Variants in HPSE2 observed in about 807,000 individuals in gnomAD.
HPSE2 encodes the protein inactive heparanase-2.
HPSE2 carries 38 observed loss-of-function variants against 60.5 expected under a neutral mutation model. The observed-to-expected ratio is 0.63, with a 90% CI of 0.48 to 0.82. The LOEUF (loss-of-function observed/expected upper bound fraction) is 0.82. Ranked by LOEUF, HPSE2 falls within the 40% of genes least tolerant of loss-of-function variation. The pLI is 0.00. For missense variants in HPSE2, 713 were observed against 740.4 expected, an observed-to-expected ratio of 0.96 and a Z score of 0.43; for synonymous variants, 295 against 293.2, an observed-to-expected ratio of 1.01 and a Z score of -0.06.
intron 2 of HPSE2, among the ~76,000 whole-genome samples, chr10:99,207,077 A>T (rs951702701): frequency 6.6e-6 from 1 of 152,336 alleles, no homozygotes; most frequent in Middle Eastern, 3.4e-3. Flanking sequence ...AATCAATTGC[A>T]ATCCAAATAA....
chr10:99,300,794 C>T, the HPSE2 span, among the ~76,000 whole-genome samples: 1 of 152,166 alleles, frequency 6.6e-6, no homozygotes, highest in East Asian at 1.9e-4. Flanking sequence ...TTAATATACC[C>T]CCAGTTGAGG....
chr10:99,202,591 T>G (rs1367307160), intron 2 of HPSE2, among the ~76,000 whole-genome samples: 1 of 152,188 alleles, frequency 6.6e-6, no homozygotes, highest in Non-Finnish European at 1.5e-5. Flanking sequence ...ATCTATTATG[T>G]ATCAATTTAA....
At chr10:98,712,798 T>A (rs1049598659) in intron 5 of HPSE2, among the ~76,000 whole-genome samples, 3 of 152,106 alleles carry the variant, frequency 2.0e-5, no homozygotes, top group Non-Finnish European at 2.9e-5. Flanking sequence ...AATATTCCAC[T>A]AGCAATTCTG....
At chr10:98,884,442 G>C (rs1465500681) in intron 3 of HPSE2, among the ~76,000 whole-genome samples, 2 of 152,096 alleles carry the variant, frequency 1.3e-5, no homozygotes, top group Admixed American at 6.6e-5. Flanking sequence ...GTCAATGCCT[G>C]GCTTCAAAGC....
the HPSE2 span, among the ~76,000 whole-genome samples, chr10:99,251,317 C>A: frequency 6.6e-6 from 1 of 152,104 alleles, no homozygotes; most frequent in South Asian, 2.1e-4. Flanking sequence ...CTGAACAGAC[C>A]AATATCAAGT....
At chr10:98,906,017 G>T (rs1342684914) in intron 3 of HPSE2, among the ~76,000 whole-genome samples, 1 of 152,126 alleles carries the variant, frequency 6.6e-6, no homozygotes, top group African/African-American at 2.4e-5. Flanking sequence ...TAGCTGAAAA[G>T]AGTCATCTTT....
chr10:98,721,907 G>T, intron 4 of HPSE2, 79 bp from the exon 5 acceptor site: 1 of 1,171,046 alleles, frequency 8.5e-7, no homozygotes, highest in Non-Finnish European at 1.3e-6. Flanking sequence ...AGATCTCTCT[G>T]CCTTTTTCTT....
At chr10:98,775,704 T>C (rs1950325822) in intron 3 of HPSE2, among the ~76,000 whole-genome samples, 1 of 152,134 alleles carries the variant, frequency 6.6e-6, no homozygotes, top group Non-Finnish European at 1.5e-5. Context: ...CTTTACCCCC[T>C]ACCTATATAC....
At chr10:99,089,253 A>T (rs564255628) in intron 3 of HPSE2, among the ~76,000 whole-genome samples, 21 of 152,328 alleles carry the variant, frequency 1.4e-4, no homozygotes, top group African/African-American at 5.1e-4. Context: ...TGCATAAGCC[A>T]ATGTCTAGAA....
At chr10:99,086,962 G>A (rs10732785) in intron 3 of HPSE2, among the ~76,000 whole-genome samples, 128,218 of 152,236 alleles carry the variant, frequency 0.84, 55,056 homozygotes, top group South Asian at 0.97. Flanking sequence ...ACTTCATTGT[G>A]GAAAATGCAT....
At chr10:98,514,345 A>G (rs954289841) in intron 9 of HPSE2, among the ~76,000 whole-genome samples, 1 of 152,210 alleles carries the variant, frequency 6.6e-6, no homozygotes, top group African/African-American at 2.4e-5. Flanking sequence ...GGAAATAGCT[A>G]GTAGAGATGG....
In HPSE2 at chr10:98,509,590, C is replaced by T. The variant is rs1229284136; in HGVS notation, c.1321-19394G>A. Among the ~76,000 whole-genome samples the T allele has an allele frequency of 3.3e-5, 5 of 152,036 alleles. No individual in the cohort carries two copies. The East Asian group carries it at 9.8e-4, about 30-fold the overall frequency. ...GATCTCAGCTCACTGCAACCTCCGC[C>T]TCCTGGGTTCAAGCAAATCTCTTGC... is the stretch of plus-strand genomic sequence containing the variant. On this transcript the variant is annotated intron_variant, in intron 9 of 11. Coordinates refer to ENST00000370552, the MANE Select transcript of HPSE2 (RefSeq NM_021828.5).
chr10:98,938,936 T>A lies in HPSE2; in HGVS notation c.611-194880A>T. Among the ~76,000 whole-genome samples the A allele has an allele frequency of 1.4e-5, 2 of 144,226 alleles. 1 individual carries two copies. Among genetic ancestry groups the A allele is most frequent in the Non-Finnish European group, 3.0e-5 (2 of 67,274 alleles). The allele number at this position is 144,226 out of a possible 152,430, so 94.6% of individuals were successfully genotyped here. ...AGAGAGTGGGAGCCAATATTCAACATTCTTAAAGAAAAGAATTTTCAACCA... is the reference window on the plus strand; with the variant it reads ...AGAGAGTGGGAGCCAATATTCAACAATCTTAAAGAAAAGAATTTTCAACCA... On this transcript the variant is annotated intron_variant, in intron 3 of 11. Coordinates refer to ENST00000370552, the MANE Select transcript of HPSE2 (RefSeq NM_021828.5).
At chr10:99,154,222 C>T (rs1236094702) in intron 2 of HPSE2, among the ~76,000 whole-genome samples, 2 of 139,946 alleles carry the variant, frequency 1.4e-5, no homozygotes, top group Non-Finnish European at 3.1e-5. Context: ...GCAAGGCAGG[C>T]CAACATTCAG....
intron 3 of HPSE2, among the ~76,000 whole-genome samples, chr10:98,854,918 A>G (rs1369623675): frequency 2.6e-5 from 4 of 152,208 alleles, no homozygotes; most frequent in Non-Finnish European, 5.9e-5. Flanking sequence ...AAAAGTTCAA[A>G]TGTTAACTCA....
At chr10:98,726,175 C>T (rs1355742803) in intron 4 of HPSE2, among the ~76,000 whole-genome samples, 25 of 152,128 alleles carry the variant, frequency 1.6e-4, no homozygotes, top group Admixed American at 1.6e-3. Flanking sequence ...GCTATAAAGA[C>T]ACATGCACAC....
chr10:98,952,800 T>C (rs969548926), intron 3 of HPSE2, among the ~76,000 whole-genome samples: 50 of 152,162 alleles, frequency 3.3e-4, no homozygotes, highest in African/African-American at 1.2e-3. Context: ...CCTTGGTGCA[T>C]GTGCATGATC....
rs559313190 is a variant in HPSE2 at position 98,671,514 on chromosome 10, G to T, written c.1004+22386C>A. On this transcript the variant is annotated intron_variant, in intron 6 of 11. Coordinates refer to ENST00000370552, the MANE Select transcript of HPSE2 (RefSeq NM_021828.5). ...GTCTAATACTTCTCTATGTCATTCAGCGTTCACTTATCAACTAAGAACAAT... is the reference window on the plus strand; with the variant it reads ...GTCTAATACTTCTCTATGTCATTCATCGTTCACTTATCAACTAAGAACAAT... Among the ~76,000 whole-genome samples the T allele has an allele frequency of 1.6e-4, 9 of 55,932 alleles. No individual in the cohort carries two copies. In the South Asian group the frequency reaches 8.9e-3, roughly 55 times the overall value. The allele number at this position is 55,932 out of a possible 152,430, so 36.7% of individuals were successfully genotyped here.
chr10:99,103,789 T>A (rs921666210), intron 3 of HPSE2, among the ~76,000 whole-genome samples: 1 of 152,024 alleles, frequency 6.6e-6, no homozygotes, highest in Non-Finnish European at 1.5e-5. Context: ...AACAGAGATA[T>A]AGACCAATGG....
Sources: allele counts gnomAD v4.1 joint callset (sites outside exome capture counted in the v4.1 genomes callset), GRCh38; gene constraint gnomAD v4.1.1; transcripts MANE v1.5; gene names NCBI Gene and HGNC (gene_info 2026-07-23, HGNC 2026-07-21).